EIF6: variants seen among roughly 807,000 people sequenced by gnomAD.
The protein encoded by EIF6 is eukaryotic translation initiation factor 6.
Under a neutral mutation model 25.5 loss-of-function variants are expected in EIF6, and 10 were observed. The observed-to-expected ratio is 0.39, with a 90% CI of 0.24 to 0.66. The LOEUF (loss-of-function observed/expected upper bound fraction) is 0.66, where lower values mean the gene tolerates loss of function less well. EIF6 is among the 30% of genes least tolerant of loss of function. EIF6 has a pLI of 0.45. For missense variants in EIF6, 246 were observed against 315.4 expected, an observed-to-expected ratio of 0.78 and a Z score of 1.67; for synonymous variants, 122 against 122.6, an observed-to-expected ratio of 1.00 and a Z score of 0.03.
intron 1 of EIF6, 116 bp from the exon 2 acceptor site, chr20:35,284,608 C>T: frequency 2.4e-6 from 3 of 1,241,512 alleles, no homozygotes; most frequent in Non-Finnish European, 3.3e-6. Flanking sequence ...GCCCCTCCGT[C>T]CTCGGGTCCC....
At chr20:35,284,691 G>A in intron 1 of EIF6, 35 bp downstream of exon 1, 1 of 622,238 alleles carries the variant, frequency 1.6e-6, no homozygotes, top group Non-Finnish European at 2.8e-6. Flanking sequence ...CAGGACCGGA[G>A]CTGACCCTCC....
chr20:35,283,940 C>G (rs952227743), intron 3 of EIF6, among the ~76,000 whole-genome samples: 2 of 152,166 alleles, frequency 1.3e-5, no homozygotes, highest in African/African-American at 2.4e-5. Context: ...GTCTTTGTGA[C>G]GAAGGAATGA....
chr20:35,282,919 TAAAC>T (rs562357895), intron 3 of EIF6, among the ~76,000 whole-genome samples: 10 of 152,082 alleles, frequency 6.6e-5, no homozygotes, highest in East Asian at 3.9e-4. Flanking sequence ...AAAAATAAAA[TAAAC>T]AGACTTCTAA....
At position 35,280,732 on chromosome 20, in the gene EIF6, C is replaced by T. The variant is rs1245692117; in HGVS notation, c.291G>A (p.Val97=). 3 of 1,614,002 alleles carry T rather than the reference C, an allele frequency of 1.9e-6. No individual in the cohort carries two copies. In the East Asian group the frequency reaches 6.7e-5, roughly 36 times the overall value. ...TGCCCAAGGCTGAGAGCCGCTCCTC[C>T]ACCCGCCTAATCTGCACTGTGTCTG... The part of the protein sequence containing the change: ...SLPDTVQIRR[V]EERLSALGNV... Residue 97 remains valine (V), a synonymous_variant, in exon 4 of 7, where the codon GTG becomes GTA. Coordinates refer to ENST00000374450, the MANE Select transcript of EIF6 (RefSeq NM_002212.4).
chr20:35,279,138 G>T lies in EIF6; in HGVS notation c.*59C>A. Reference sequence around the variant, plus strand: ...GCATCCGGTACAGATTGGGCGGAATGTGGAGAAGGTTGGCCACAGTCCAGA... The same window carrying T: ...GCATCCGGTACAGATTGGGCGGAATTTGGAGAAGGTTGGCCACAGTCCAGA... On this transcript the variant is annotated 3_prime_UTR_variant, in exon 7 of 7. Coordinates refer to ENST00000374450, the MANE Select transcript of EIF6 (RefSeq NM_002212.4). 1 of 1,611,320 alleles carries T rather than the reference G, an allele frequency of 6.2e-7. No homozygotes were observed.
chr20:35,279,462 A>G (rs2060750852), intron 6 of EIF6, 104 bp downstream of exon 6: 1 of 1,482,366 alleles, frequency 6.7e-7, no homozygotes, highest in Non-Finnish European at 9.2e-7. Flanking sequence ...AAGCTACCAG[A>G]ACAAACTGGT....
At chr20:35,284,346 C>T (rs1480916010) in intron 2 of EIF6, 35 bp downstream of exon 2, 2 of 1,613,814 alleles carry the variant, frequency 1.2e-6, no homozygotes, top group Middle Eastern at 1.6e-4. Flanking sequence ...GCGCACGCCT[C>T]CCCGCCACCG....
At chr20:35,280,253 C>A in intron 4 of EIF6, 135 bp from the exon 5 acceptor site, 1 of 987,478 alleles carries the variant, frequency 1.0e-6, no homozygotes, top group South Asian at 1.7e-5. Context: ...GAAAGCCTCA[C>A]CCAGAGAAAG....
rs763214820 is a variant in EIF6, at chr20:35,284,754, G to C, written c.-34C>G. 1.3e-5 allele frequency: 7 copies of C among 527,340 alleles called. No homozygotes were observed. Among genetic ancestry groups the C allele is most frequent in the Non-Finnish European group, 2.0e-5 (6 of 295,504 alleles). The allele number at this position is 527,340 out of a possible 1,614,324, so 32.7% of individuals were successfully genotyped here. A position where few individuals can be genotyped will look rare whatever the true frequency, so the allele number is the denominator to read the frequency against. ...GTAACCAGTAACAAGCTCCGCACGC[G>C]GCGACTGTACCTTGGACTCCCTAAA... is the stretch of plus-strand genomic sequence containing the variant. On this transcript the variant is annotated 5_prime_UTR_variant, in exon 1 of 7. Coordinates refer to ENST00000374450, the MANE Select transcript of EIF6 (RefSeq NM_002212.4).
chr20:35,279,601 G>A lies in EIF6; in HGVS notation c.693C>T (p.Thr231=). The A allele has an allele frequency of 6.2e-7, 1 of 1,614,172 alleles. No homozygotes were observed. The highest frequency in any genetic ancestry group is 8.5e-7 in the Non-Finnish European group (1 of 1,180,032). Residue 231 remains threonine, a synonymous_variant, in exon 6 of 7, where the codon ACC becomes ACT. Transcript: ENST00000374450. ...GGGAATCCCGCATGCTGGTGGCAAT[G>A]GTGCTAGGCTGGGCTTCATTCAGCT... ...VFKLNEAQPS[T]IATSMRDSLI... is the part of the protein sequence containing the mutation.
intron 3 of EIF6, among the ~76,000 whole-genome samples, chr20:35,282,930 C>A (rs6058222): frequency 6.6e-6 from 1 of 152,098 alleles, no homozygotes; most frequent in African/African-American, 2.4e-5. Flanking sequence ...AAACAGACTT[C>A]TAAAAGTGAC....
At chr20:35,284,689 G>C in intron 1 of EIF6, 37 bp downstream of exon 1, 1 of 624,370 alleles carries the variant, frequency 1.6e-6, no homozygotes, top group Non-Finnish European at 2.8e-6. Flanking sequence ...CCCAGGACCG[G>C]AGCTGACCCT....
At chr20:35,280,950 C>T in intron 3 of EIF6, 121 bp from the exon 4 acceptor site, 1 of 1,156,036 alleles carries the variant, frequency 8.7e-7, no homozygotes, top group Non-Finnish European at 1.2e-6. Flanking sequence ...CAGAGCCCAG[C>T]CCTCCAACCC....
chr20:35,284,110 C>T (rs932249573), intron 3 of EIF6, 66 bp downstream of exon 3: 15 of 1,522,638 alleles, frequency 9.9e-6, no homozygotes, highest in East Asian at 2.3e-5. Flanking sequence ...TCCGGGTTCC[C>T]TCCGGGGGTG....
intron 2 of EIF6, 50 bp from the exon 3 acceptor site, chr20:35,284,311 C>T: frequency 6.2e-7 from 1 of 1,613,898 alleles, no homozygotes; most frequent in Admixed American, 1.7e-5. Flanking sequence ...CCGGCACCCT[C>T]CCACTGCCGG....
chr20:35,279,192 G>A lies in EIF6; in HGVS notation c.*5C>T, dbSNP rs141230225. The A allele has an allele frequency of 1.9e-5, 30 of 1,613,982 alleles. 1 individual carries two copies. The East Asian group carries it at 6.2e-4, about 34-fold the overall frequency. The stretch of plus-strand genomic sequence containing the variant: ...AGGAGCCCATGGAACAACTTGGAAG[G>A]TGACTCAGGTGAGGCTGAAGAGAAA... On this transcript the variant is annotated 3_prime_UTR_variant, in exon 7 of 7. Coordinates refer to ENST00000374450, the MANE Select transcript of EIF6 (RefSeq NM_002212.4).
At position 35,279,736 on chromosome 20, in the gene EIF6, C is replaced by A; in HGVS notation, c.558G>T (p.Val186=). 6.2e-7 allele frequency: 1 copy of A among 1,614,132 alleles called. No homozygotes were observed. The change falls in exon 6 of 7, where the codon GTG becomes GTT. Residue 186 remains valine, a synonymous_variant. Coordinates refer to ENST00000374450, the MANE Select transcript of EIF6 (RefSeq NM_002212.4). ...CAGCAATCACCTCACTGCCTCGGTT[C>A]ACAGTCCCCGCCTGCCAAGGGATGG... ...LLQVPLVAGT[V]NRGSEVIAAG...
At chr20:35,280,210 C>G in intron 4 of EIF6, 92 bp from the exon 5 acceptor site, 1 of 1,379,566 alleles carries the variant, frequency 7.2e-7, no homozygotes, top group Non-Finnish European at 1.0e-6. Flanking sequence ...CCTTGGCTCC[C>G]TGAGCCCCTC....
At position 35,279,171 on chromosome 20, in the gene EIF6, G is replaced by A. The variant is rs1232521420; in HGVS notation, c.*26C>T. ...GGTTGGCCACAGTCCAGAGCCAGGA[G>A]CCCATGGAACAACTTGGAAGGTGAC... On this transcript the variant is annotated 3_prime_UTR_variant, in exon 7 of 7. Coordinates refer to ENST00000374450, the MANE Select transcript of EIF6 (RefSeq NM_002212.4). 4.3e-6 allele frequency: 7 copies of A among 1,613,872 alleles called. No homozygotes were observed. Among genetic ancestry groups the A allele is most frequent in the African/African-American group, 4.0e-5 (3 of 74,928 alleles).
Sources: allele counts gnomAD v4.1 joint callset (sites outside exome capture counted in the v4.1 genomes callset), GRCh38; gene constraint gnomAD v4.1.1; transcripts MANE v1.5; gene names NCBI Gene and HGNC (gene_info 2026-07-23, HGNC 2026-07-21).